The following ADCY7 variants were observed in gnomAD, a reference collection of about 807,000 sequenced individuals.
The protein encoded by ADCY7 is adenylate cyclase type 7.
ADCY7 carries 72 observed loss-of-function variants against 120.6 expected under a neutral mutation model. The ratio of observed to expected loss-of-function variants is 0.60; its 90% confidence interval spans 0.49 to 0.73. ADCY7 has a LOEUF of 0.73. Ranked by LOEUF, ADCY7 falls within the 30% of genes least tolerant of loss-of-function variation. The probability of loss-of-function intolerance (pLI) is 0.00; values close to 1 mark genes in which losing one functional copy is unlikely to be tolerated. For missense variants in ADCY7, 1,227 were observed against 1,486.0 expected, an observed-to-expected ratio of 0.83 and a Z score of 2.87; for synonymous variants, 661 against 628.0, an observed-to-expected ratio of 1.05 and a Z score of -0.78.
At chr16:50,305,916 C>T (rs1017820006) in intron 14 of ADCY7, 67 bp downstream of exon 14, 26 of 1,514,178 alleles carry the variant, frequency 1.7e-5, no homozygotes, top group East Asian at 4.5e-5. Context: ...GGGTGGGGGA[C>T]GCAGGTCATG....
chr16:50,299,926 T>C (rs8045659), intron 8 of ADCY7, among the ~76,000 whole-genome samples: 85,107 of 151,968 alleles, frequency 0.56, 24,522 homozygotes, highest in African/African-American at 0.67. Context: ...CGTGGGGCTC[T>C]GCTCCTGTGC....
Position 50,291,775 on chromosome 16 carries a change from C to T in ADCY7, c.415C>T (p.Leu139=), listed in dbSNP as rs768616187. ...FLFIVFVVYT[L]LPFSMRGAVA... ...GTTCATTGTCTTCGTGGTGTACACA[C>T]TACTGCCCTTCAGCATGCGGGGCGC... The change falls in exon 4 of 26, where the codon CTA becomes TTA. Residue 139 remains leucine, a synonymous_variant. Transcript: ENST00000673801. 44 of 1,614,060 alleles carry T rather than the reference C, an allele frequency of 2.7e-5. No homozygotes were observed. In the East Asian group the frequency reaches 9.8e-4, roughly 36 times the overall value.
At chr16:50,280,974 G>A (rs777545867) in intron 1 of ADCY7, among the ~76,000 whole-genome samples, 2 of 152,094 alleles carry the variant, frequency 1.3e-5, no homozygotes, top group Non-Finnish European at 2.9e-5. Flanking sequence ...GTGCTTGGGG[G>A]CTATGGAGGG....
intron 21 of ADCY7, 125 bp downstream of exon 21, chr16:50,312,316 A>G: frequency 9.3e-7 from 1 of 1,077,890 alleles, no homozygotes; most frequent in Non-Finnish European, 1.3e-6. Flanking sequence ...CCTCACCGGG[A>G]TGCCCAGGCG....
chr16:50,308,501 A>C, intron 16 of ADCY7, 90 bp downstream of exon 16: 1 of 1,589,574 alleles, frequency 6.3e-7, no homozygotes, highest in South Asian at 1.1e-5. Flanking sequence ...GGCTGGGCTG[A>C]GCCCCTGCTC....
intron 4 of ADCY7, 149 bp from the exon 5 acceptor site, chr16:50,292,507 TCCTGTCTGGGCCTCAGTTTC>T (rs1236793641): frequency 2.6e-6 from 2 of 777,134 alleles, no homozygotes; most frequent in Non-Finnish European, 4.0e-6. Context: ...GGAGACTAGC[TCCTGTCTGGGCCTCAGTTTC>T]CCTGTCTGCC....
intron 3 of ADCY7, 63 bp downstream of exon 3, chr16:50,290,723 T>G: frequency 6.4e-7 from 1 of 1,552,538 alleles, no homozygotes; most frequent in African/African-American, 1.4e-5. Flanking sequence ...CCGTGGTTGG[T>G]GGGCATGCCA....
intron 1 of ADCY7, among the ~76,000 whole-genome samples, chr16:50,252,130 C>A (rs554911127): frequency 6.6e-6 from 1 of 152,244 alleles, no homozygotes; most frequent in South Asian, 2.1e-4. Context: ...CCCCGGGCTG[C>A]TGTTTTTTTT....
chr16:50,267,247 T>C (rs1395293622), intron 1 of ADCY7, among the ~76,000 whole-genome samples: 2 of 152,224 alleles, frequency 1.3e-5, no homozygotes, highest in East Asian at 1.9e-4. Flanking sequence ...ATGGGCCATC[T>C]GGAGTGGGTC....
At chr16:50,249,904 G>A (rs2150774730) in intron 1 of ADCY7, among the ~76,000 whole-genome samples, 1 of 151,088 alleles carries the variant, frequency 6.6e-6, no homozygotes, top group Non-Finnish European at 1.5e-5. Context: ...GTTTGCAGAG[G>A]GAGCCCCTGT....
At chr16:50,248,544 G>A (rs967300769) in intron 1 of ADCY7, among the ~76,000 whole-genome samples, 1 of 152,352 alleles carries the variant, frequency 6.6e-6, no homozygotes, top group Non-Finnish European at 1.5e-5. Flanking sequence ...GTAGGCAGGG[G>A]CCGTTACTTT....
chr16:50,249,467 A>AACG (rs2032688445), intron 1 of ADCY7, among the ~76,000 whole-genome samples: 1 of 151,914 alleles, frequency 6.6e-6, no homozygotes, highest in Admixed American at 6.6e-5. Context: ...CAACAACAAC[A>AACG]ACAACAAAAC....
At chr16:50,300,609 G>C in intron 8 of ADCY7, 106 bp from the exon 9 acceptor site, 1 of 1,355,652 alleles carries the variant, frequency 7.4e-7, no homozygotes, top group Non-Finnish European at 1.0e-6. Flanking sequence ...TGGGCTGAGC[G>C]CCTGCCCTGT....
In ADCY7 at chr16:50,310,475, C is replaced by T. The variant is rs183518144; in HGVS notation, c.2161-212C>T. The stretch of plus-strand genomic sequence containing the variant: ...ACAGCACCTGCATACTGTTTTTTCC[C>T]GTTTAAATGAGCTCACTTCATAAGA... On this transcript the variant is annotated intron_variant, in intron 18 of 25. Transcript: ENST00000673801. 6.4e-4 allele frequency: 985 copies of T among 1,536,342 alleles called. 7 individuals carry two copies. In the African/African-American group the frequency reaches 0.011, roughly 18 times the overall value.
In ADCY7 at chr16:50,307,064, C is replaced by T; in HGVS notation, c.1767C>T (p.Pro589=). ...GCTGCCCCCAGTACCGCCTGGCACCCATCCCCCGGGCCCGCCACGACTTTG... is the reference window on the plus strand; with the variant it reads ...GCTGCCCCCAGTACCGCCTGGCACCTATCCCCCGGGCCCGCCACGACTTTG... ...KGFEREYRLA[P]IPRARHDFAC... The change falls in exon 15 of 26, where the codon CCC becomes CCT. Residue 589 remains proline (P), a synonymous_variant. Coordinates refer to ENST00000673801, the MANE Select transcript of ADCY7 (RefSeq NM_001114.5). 6.2e-7 allele frequency: 1 copy of T among 1,608,356 alleles called. No homozygotes were observed.
chr16:50,251,524 GGGA>G (rs1031245326), intron 1 of ADCY7, among the ~76,000 whole-genome samples: 5 of 152,234 alleles, frequency 3.3e-5, no homozygotes, highest in African/African-American at 1.2e-4. Flanking sequence ...CCAGGGCCGT[GGGA>G]GGAGGACTGC....
intron 1 of ADCY7, among the ~76,000 whole-genome samples, chr16:50,286,859 T>C (rs2034614057): frequency 6.6e-6 from 1 of 152,140 alleles, no homozygotes; most frequent in Non-Finnish European, 1.5e-5. Context: ...CCTCACACCA[T>C]ACCCAGAGTG....
intron 20 of ADCY7, 29 bp from the exon 21 acceptor site, chr16:50,312,007 C>T (rs369216518): frequency 1.0e-4 from 169 of 1,612,348 alleles, no homozygotes; most frequent in Non-Finnish European, 1.3e-4. Context: ...TGCCTGTGGA[C>T]GGGGCGCTTA....
rs147818595 is a variant in ADCY7 at position 50,277,105 on chromosome 16, A to C, written c.-269+10425A>C. Among the ~76,000 whole-genome samples the C allele has an allele frequency of 7.6e-3, 1,164 of 152,212 alleles. 9 individuals are homozygous for C. The highest frequency in any genetic ancestry group is 0.071 in the Middle Eastern group (21 of 294). On this transcript the variant is annotated intron_variant, in intron 1 of 25. Transcript: ENST00000673801. ...CCAGGCATTGCCATGTGGATTTTTCACAGGATACCCTGTGACGTTAGTTTC... is the reference window on the plus strand; with the variant it reads ...CCAGGCATTGCCATGTGGATTTTTCCCAGGATACCCTGTGACGTTAGTTTC...
Sources: allele counts gnomAD v4.1 joint callset (sites outside exome capture counted in the v4.1 genomes callset), GRCh38; gene constraint gnomAD v4.1.1; transcripts MANE v1.5; gene names NCBI Gene and HGNC (gene_info 2026-07-23, HGNC 2026-07-21).